Variants in VWF observed in about 807,000 individuals in gnomAD.
VWF encodes Factor VIII related antigen.
VWF carries 176 observed loss-of-function variants against 308.6 expected under a neutral mutation model. The observed-to-expected ratio is 0.57, with a 90% confidence interval of 0.50 to 0.65. The LOEUF (loss-of-function observed/expected upper bound fraction) is 0.65, where lower values mean the gene tolerates loss of function less well. Among genes scored for constraint, VWF ranks in the 30% least tolerant of loss-of-function variants. The pLI is 0.00. For synonymous variants in VWF, 1,385 were observed against 1,443.4 expected, an observed-to-expected ratio of 0.96 and a Z score of 0.92; for missense variants, 3,146 against 3,648.2, an observed-to-expected ratio of 0.86 and a Z score of 3.55.
At chr12:6,043,625 T>G (rs1305576584) in intron 18 of VWF, among the ~76,000 whole-genome samples, 1 of 152,254 alleles carries the variant, frequency 6.6e-6, no homozygotes, top group East Asian at 1.9e-4. Context: ...GGAGTAGGCA[T>G]GCTCAGATCA....
At chr12:6,055,759 T>TACACACACAC (rs775653228) in intron 15 of VWF, among the ~76,000 whole-genome samples, 3,376 of 66,132 alleles carry the variant, frequency 0.051, 196 homozygotes, top group Admixed American at 0.18. Context: ...TATATATATG[T>TACACACACAC]ATACACACAC....
Position 6,092,628 on chromosome 12 carries a change from T to TGAGAGAGAGAGAGAGA in VWF, c.657+2831_657+2832insTCTCTCTCTCTCTCTC, listed in dbSNP as rs1565386731. ...TAGTGAGTGAGTGAGAGTGTGTGTG[T>TGAGAGAGAGAGAGAGA]GTGTGTGTGTGTGTGTGTGTGTGTG... On this transcript the variant is annotated intron_variant, in intron 6 of 51. Transcript: ENST00000261405. Among the ~76,000 whole-genome samples, 107 of 80,202 alleles carry TGAGAGAGAGAGAGAGA rather than the reference T, an allele frequency of 1.3e-3. 2 individuals carry two copies. Among genetic ancestry groups the TGAGAGAGAGAGAGAGA allele is most frequent in the African/African-American group, 4.6e-3 (61 of 13,258 alleles). The allele number at this position is 80,202 out of a possible 152,430, so 52.6% of individuals were successfully genotyped here. A position where few individuals can be genotyped will look rare whatever the true frequency, so the allele number is the denominator to read the frequency against.
intron 6 of VWF, among the ~76,000 whole-genome samples, chr12:6,093,047 C>A (rs565825993): frequency 4.1e-4 from 62 of 152,144 alleles, no homozygotes; most frequent in Admixed American, 1.4e-3. Context: ...GGATGGCCAG[C>A]CTGCAGGCCA....
intron 20 of VWF, among the ~76,000 whole-genome samples, chr12:6,032,377 C>T (rs1944275398): frequency 1.3e-5 from 2 of 150,900 alleles, no homozygotes; most frequent in South Asian, 2.1e-4. Flanking sequence ...TGGTGGCCCA[C>T]GCCTGTAATC....
At chr12:6,114,393 C>T (rs187984789) in intron 3 of VWF, among the ~76,000 whole-genome samples, 104 of 152,204 alleles carry the variant, frequency 6.8e-4, no homozygotes, top group Non-Finnish European at 1.1e-3. Flanking sequence ...CAGGGGAGCC[C>T]GGAGGTCGCT....
intron 44 of VWF, among the ~76,000 whole-genome samples, chr12:5,971,343 G>A (rs1168730427): frequency 1.3e-5 from 2 of 152,224 alleles, no homozygotes; most frequent in Non-Finnish European, 2.9e-5. Context: ...AGATTCACAG[G>A]TGAATGAGAG....
intron 6 of VWF, among the ~76,000 whole-genome samples, chr12:6,092,972 C>T (rs1490693367): frequency 6.6e-6 from 1 of 151,848 alleles, no homozygotes; most frequent in East Asian, 1.9e-4. Flanking sequence ...GTTTCTATTC[C>T]ACCCCTTTCT....
intron 5 of VWF, among the ~76,000 whole-genome samples, chr12:6,096,447 C>G (rs1300685959): frequency 1.3e-5 from 2 of 152,218 alleles, no homozygotes; most frequent in African/African-American, 2.4e-5. Context: ...GGGCATCCCT[C>G]TACCAAAACA....
intron 10 of VWF, among the ~76,000 whole-genome samples, chr12:6,071,006 C>T (rs982533090): frequency 6.6e-6 from 1 of 152,238 alleles, no homozygotes; most frequent in African/African-American, 2.4e-5. Context: ...GGCCTTACAG[C>T]TCATCAACCT....
intron 36 of VWF, 57 bp downstream of exon 36, chr12:5,994,358 A>G: frequency 3.7e-6 from 6 of 1,606,642 alleles, no homozygotes; most frequent in Non-Finnish European, 5.1e-6. Flanking sequence ...GAGTAGAGCA[A>G]GTAAGGTTTA....
intron 34 of VWF, among the ~76,000 whole-genome samples, chr12:6,011,231 G>A (rs1322407856): frequency 6.6e-6 from 1 of 152,152 alleles, no homozygotes; most frequent in Non-Finnish European, 1.5e-5. Flanking sequence ...GTTGCTATAG[G>A]TGTGGTTGGA....
chr12:6,071,204 C>T, intron 10 of VWF, 93 bp downstream of exon 10: 1 of 1,497,822 alleles, frequency 6.7e-7, no homozygotes, highest in Admixed American at 1.8e-5. Context: ...CTTCTCGCTG[C>T]CTTGAGTTGT....
intron 28 of VWF, among the ~76,000 whole-genome samples, chr12:6,017,243 G>A (rs1944073162): frequency 6.6e-6 from 1 of 152,226 alleles, no homozygotes; most frequent in Non-Finnish European, 1.5e-5. Context: ...AAAGGAAATG[G>A]AGCGGCAGCC....
chr12:6,051,790 T>C (rs1423457071), intron 16 of VWF, among the ~76,000 whole-genome samples: 1 of 152,078 alleles, frequency 6.6e-6, no homozygotes, highest in Non-Finnish European at 1.5e-5. Flanking sequence ...TTTTTCTTTG[T>C]ATTTAGGGAC....
rs1944644411 is a variant in VWF at position 6,060,599 on chromosome 12, A to C, written c.1533+2355T>G. ...CAGGAATCTGTGTAAAGAAAAAGAA[A>C]AAAGAAAAATATATATAAAAAGACA... On this transcript the variant is annotated intron_variant, in intron 13 of 51. Coordinates refer to ENST00000261405, the MANE Select transcript of VWF (RefSeq NM_000552.5). This position sits in a 1 kb window ranked among gnomAD's most constrained non-coding sequence, Gnocchi z 5.1. Among the ~76,000 whole-genome samples, 1 of 152,192 alleles carries C rather than the reference A, an allele frequency of 6.6e-6. No individual in the cohort carries two copies. Among genetic ancestry groups the C allele is most frequent in the Non-Finnish European group, 1.5e-5 (1 of 68,042 alleles).
chr12:6,089,504 C>T (rs12302625), intron 6 of VWF, among the ~76,000 whole-genome samples: 2 of 152,084 alleles, frequency 1.3e-5, no homozygotes, highest in Non-Finnish European at 2.9e-5. Flanking sequence ...CAGCTGGAGC[C>T]TCAGAAAGGT....
intron 10 of VWF, among the ~76,000 whole-genome samples, chr12:6,069,417 C>T (rs1191738694): frequency 6.6e-6 from 1 of 152,132 alleles, no homozygotes; most frequent in African/African-American, 2.4e-5. Context: ...TCTAATCCTC[C>T]TCCAGGGGCT....
intron 4 of VWF, 127 bp downstream of exon 4, chr12:6,110,739 G>T: frequency 7.7e-7 from 1 of 1,305,434 alleles, no homozygotes; most frequent in Non-Finnish European, 1.1e-6. Flanking sequence ...CTCTCACCCA[G>T]CCCTGCTACT....
chr12:6,059,295 CTATAA>C (rs1022830328), intron 13 of VWF, among the ~76,000 whole-genome samples: 4 of 152,296 alleles, frequency 2.6e-5, no homozygotes, highest in African/African-American at 9.6e-5. Context: ...ACTTTCCGAT[CTATAA>C]TATAATTTAC....
Sources: gnomAD v4.1 joint callset for allele counts (sites outside exome capture counted in the v4.1 genomes callset) on GRCh38, gnomAD v4.1.1 for gene constraint, Gnocchi (gnomAD v3.1) non-coding constraint, MANE v1.5 for transcripts, NCBI Gene and HGNC (gene_info 2026-07-23, HGNC 2026-07-21) for gene names.